The following PALM variants were observed in gnomAD, a reference collection of about 807,000 sequenced individuals.
PALM encodes the protein paralemmin-1.
In PALM, 18 loss-of-function variants were observed where a neutral mutation model predicts 30.7. That is an observed-to-expected ratio of 0.59 (90% CI 0.41 to 0.87). The LOEUF is 0.87. Among genes scored for constraint, PALM ranks in the 40% least tolerant of loss-of-function variants. The pLI, the probability that PALM is intolerant of heterozygous loss-of-function variation, is 0.00. For synonymous variants in PALM, 286 were observed against 242.8 expected (o/e 1.18, Z -1.66); for missense variants, 529 against 555.4 (o/e 0.95, Z 0.48).
At chr19:736,828 C>T (rs1419936211) in intron 7 of PALM, among the ~76,000 whole-genome samples, 4 of 152,158 alleles carry the variant, frequency 2.6e-5, no homozygotes, top group East Asian at 3.9e-4. Flanking sequence ...CCGAGGCGGG[C>T]AGATCGCCTG....
chr19:744,138 C>T (rs896066483), intron 8 of PALM, among the ~76,000 whole-genome samples: 3 of 152,118 alleles, frequency 2.0e-5, no homozygotes, highest in Non-Finnish European at 4.4e-5. Context: ...TGGTGGCTCA[C>T]GCCTGTAATC....
At position 746,777 on chromosome 19, in the gene PALM, T is replaced by G. The variant is rs1568236793; in HGVS notation, c.1127T>G (p.Met376Arg). Residue 376 changes from methionine to arginine, a missense_variant, in exon 9 of 9, where the codon ATG (methionine) becomes AGG (arginine). Transcript: ENST00000338448. The surrounding 1 kb of genome is among the most constrained non-coding windows in gnomAD (Gnocchi z 7.1). ...ATTSDPQDLD[M>R]KKHRCKCCSI... ...ACCAGCGACCCCCAGGACCTCGACA[T>G]GAAGAAGCACCGTTGTAAATGCTGC... is the stretch of plus-strand genomic sequence containing the variant. 1 of 1,581,890 alleles carries G rather than the reference T, an allele frequency of 6.3e-7. No homozygotes were observed. Among genetic ancestry groups the G allele is most frequent in the Non-Finnish European group, 8.5e-7 (1 of 1,170,114 alleles).
At chr19:726,985 A>ACCCCCCCCCGCCC in intron 2 of PALM, 23 bp from the exon 3 acceptor site, 1 of 945,362 alleles carries the variant, frequency 1.1e-6, no homozygotes, top group Non-Finnish European at 1.6e-6. Flanking sequence ...CCCATCCCTG[A>ACCCCCCCCCGCCC]CCCCACCCGG....
chr19:714,375 T>A (rs1437262929), intron 1 of PALM, among the ~76,000 whole-genome samples: 1 of 142,206 alleles, frequency 7.0e-6, no homozygotes, highest in African/African-American at 2.6e-5. Context: ...TTTTTTTTTT[T>A]TCAGATGGAG....
At chr19:711,583 G>C (rs2032081350) in intron 1 of PALM, among the ~76,000 whole-genome samples, 1 of 152,194 alleles carries the variant, frequency 6.6e-6, no homozygotes, top group Non-Finnish European at 1.5e-5. Context: ...ACAGTACCTA[G>C]TGATAATTGA....
intron 7 of PALM, among the ~76,000 whole-genome samples, chr19:737,917 C>T (rs989350992): frequency 2.0e-4 from 30 of 152,102 alleles, no homozygotes; most frequent in Admixed American, 1.0e-3. Flanking sequence ...GGGACTGCCC[C>T]GACTCCGTGC....
chr19:712,806 G>C (rs1444844920), intron 1 of PALM, among the ~76,000 whole-genome samples: 1 of 152,148 alleles, frequency 6.6e-6, no homozygotes, highest in African/African-American at 2.4e-5. Context: ...CTCCCGAGTA[G>C]CTGGGATTAC....
At chr19:745,359 A>C (rs918717738) in intron 8 of PALM, among the ~76,000 whole-genome samples, 2 of 152,026 alleles carry the variant, frequency 1.3e-5, no homozygotes, top group African/African-American at 4.8e-5. Context: ...ATGAATCCCT[A>C]CTTTTCAGGG....
At chr19:712,470 G>A (rs1398864816) in intron 1 of PALM, among the ~76,000 whole-genome samples, 3 of 151,182 alleles carry the variant, frequency 2.0e-5, no homozygotes, top group South Asian at 2.1e-4. Flanking sequence ...TGCAACCTCT[G>A]CCTCCTGGGT....
intron 1 of PALM, among the ~76,000 whole-genome samples, chr19:723,530 G>T (rs2032563481): frequency 6.6e-6 from 1 of 152,146 alleles, no homozygotes; most frequent in Non-Finnish European, 1.5e-5. Flanking sequence ...TCGCTGGGAA[G>T]GTCAAGGCCA....
chr19:717,816 T>G (rs960891774), intron 1 of PALM, among the ~76,000 whole-genome samples: 1 of 152,096 alleles, frequency 6.6e-6, no homozygotes, highest in East Asian at 1.9e-4. Context: ...ATCGACTCCC[T>G]GGGGCAGCAA....
intron 1 of PALM, chr19:719,398 GC>G (rs1419091928): frequency 1.0e-6 from 1 of 985,450 alleles, no homozygotes; most frequent in Non-Finnish European, 1.2e-6. Context: ...CCCTCGCCGG[GC>G]CCCGAGCCGC....
intron 8 of PALM, among the ~76,000 whole-genome samples, chr19:743,971 T>C (rs1223871841): frequency 3.9e-5 from 6 of 152,364 alleles, no homozygotes; most frequent in African/African-American, 1.4e-4. Context: ...AAGGAGGTTT[T>C]AGGACTGTTA....
At chr19:738,746 G>GGCCGCA in intron 7 of PALM, among the ~76,000 whole-genome samples, 1 of 152,318 alleles carries the variant, frequency 6.6e-6, no homozygotes, top group South Asian at 2.1e-4. Context: ...CAGAGTCCAG[G>GGCCGCA]GCCGCAGCCG....
intron 8 of PALM, among the ~76,000 whole-genome samples, chr19:744,894 AAAGC>A (rs1568235090): frequency 3.4e-5 from 4 of 117,182 alleles, no homozygotes; most frequent in Non-Finnish European, 2.0e-5. Context: ...TCAAAAAAAA[AAAGC>A]AGCAGGCACG....
Position 726,994 on chromosome 19 carries a change from G to A in PALM, c.58-14G>A, listed in dbSNP as rs1342223766. The A allele has an allele frequency of 3.1e-5, 15 of 485,170 alleles. No homozygotes were observed. The highest frequency in any genetic ancestry group is 1.0e-4 in the African/African-American group (4 of 38,188). The allele number at this position is 485,170 out of a possible 1,614,324, so 30.1% of individuals were successfully genotyped here. A position where few individuals can be genotyped will look rare whatever the true frequency, so the allele number is the denominator to read the frequency against. ...CCCACGCCCATCCCTGACCCCACCC[G>A]GCCCTCCCCACAGGAGAAGCGGAAG... On this transcript the variant is annotated splice_polypyrimidine_tract_variant and intron_variant, in intron 2 of 8. Transcript: ENST00000338448.
chr19:716,139 T>C (rs2283580), intron 1 of PALM, among the ~76,000 whole-genome samples: 68,576 of 151,826 alleles, frequency 0.45, 15,637 homozygotes, highest in Middle Eastern at 0.47. Context: ...GGGCTGGGCA[T>C]GGTGGCTCAC....
At chr19:732,042 TCA>T (rs2032894004) in intron 5 of PALM, among the ~76,000 whole-genome samples, 1 of 150,900 alleles carries the variant, frequency 6.6e-6, no homozygotes, top group African/African-American at 2.4e-5. Flanking sequence ...AGTGGCACAA[TCA>T]CAGCTCACTG....
chr19:720,146 C>T (rs1340824349), intron 1 of PALM, among the ~76,000 whole-genome samples: 1 of 151,732 alleles, frequency 6.6e-6, no homozygotes, highest in Non-Finnish European at 1.5e-5. Context: ...AGGCCCGAAG[C>T]CTCGGCCCCC....
Sources: gnomAD v4.1 joint callset for allele counts (sites outside exome capture counted in the v4.1 genomes callset) on GRCh38, gnomAD v4.1.1 for gene constraint, Gnocchi (gnomAD v3.1) non-coding constraint, MANE v1.5 for transcripts, NCBI Gene and HGNC (gene_info 2026-07-23, HGNC 2026-07-21) for gene names.